The following CPA6 variants were observed in gnomAD, a reference collection of about 807,000 sequenced individuals.
CPA6 encodes carboxypeptidase A6.
In CPA6, 58 loss-of-function variants were observed where a neutral mutation model predicts 63.3. The ratio of observed to expected loss-of-function variants is 0.92; its 90% CI spans 0.74 to 1.14. CPA6 has a LOEUF of 1.14. CPA6 is among the 50% of genes most tolerant of loss of function. CPA6 has a pLI of 0.00. For synonymous variants in CPA6, 185 were observed against 179.0 expected (o/e 1.03, Z -0.27); for missense variants, 565 against 526.6 (o/e 1.07, Z -0.71).
chr8:67,698,607 G>A (rs1298096472), intron 1 of CPA6, among the ~76,000 whole-genome samples: 1 of 152,140 alleles, frequency 6.6e-6, no homozygotes, highest in Non-Finnish European at 1.5e-5. Flanking sequence ...AAGTCGATAT[G>A]TCTTCCGATT....
intron 2 of CPA6, among the ~76,000 whole-genome samples, chr8:67,606,579 C>A (rs1481215637): frequency 6.6e-6 from 1 of 152,150 alleles, no homozygotes; most frequent in African/African-American, 2.4e-5. Context: ...ACAGGATATC[C>A]ACAATAACAT....
chr8:67,571,238 GCC>G (rs1813478580), intron 2 of CPA6, among the ~76,000 whole-genome samples: 1 of 152,112 alleles, frequency 6.6e-6, no homozygotes. Flanking sequence ...GAGAGAGATT[GCC>G]ATTCAATAGC....
chr8:67,621,822 ACCCCATTTCCT>A (rs1396724547), intron 2 of CPA6, among the ~76,000 whole-genome samples: 1 of 151,918 alleles, frequency 6.6e-6, no homozygotes, highest in Non-Finnish European at 1.5e-5. Flanking sequence ...TTACATCCAA[ACCCCATTTCCT>A]CCCCCAGGTG....
chr8:67,475,879 C>CTT (rs1469634011), intron 8 of CPA6, among the ~76,000 whole-genome samples: 144 of 44,952 alleles, frequency 3.2e-3, no homozygotes, highest in Middle Eastern at 9.8e-3. Flanking sequence ...TTCTTTCTTT[C>CTT]TCCTTTCTTT....
chr8:67,631,677 T>G (rs1451535298), intron 1 of CPA6, among the ~76,000 whole-genome samples: 1 of 152,244 alleles, frequency 6.6e-6, no homozygotes, highest in Non-Finnish European at 1.5e-5. Flanking sequence ...TTCCACCCTG[T>G]GTAAACTTTG....
chr8:67,497,222 C>T lies in CPA6; in HGVS notation c.636+9565G>A, dbSNP rs528714347. Among the ~76,000 whole-genome samples, 61 of 152,286 alleles carry T rather than the reference C, an allele frequency of 4.0e-4. 1 individual carries two copies. The South Asian group carries it at 5.8e-3, about 14-fold the overall frequency. ...ATTATTGAATTCTAGGACATTTCCACCACTCCAAAAAGAACCTGGTAGTTG... is the reference window on the plus strand; with the variant it reads ...ATTATTGAATTCTAGGACATTTCCATCACTCCAAAAAGAACCTGGTAGTTG... On this transcript the variant is annotated intron_variant, in intron 6 of 10. Transcript: ENST00000297770.
Position 67,630,008 on chromosome 8 carries a change from G to C in CPA6, c.117-5757C>G, listed in dbSNP as rs546194340. 2.6e-3 allele frequency among the ~76,000 whole-genome samples: 393 copies of C among 151,924 alleles called. 1 individual carries two copies. The highest frequency in any genetic ancestry group is 2.8e-3 in the Non-Finnish European group (188 of 67,968). Reference sequence around the variant, plus strand: ...TAGCACCAGCTACTCGGGAGGCTGAGGCAGGAGAATGGCGTGAACCTGGGA... The same window carrying C: ...TAGCACCAGCTACTCGGGAGGCTGACGCAGGAGAATGGCGTGAACCTGGGA... On this transcript the variant is annotated intron_variant, in intron 1 of 10. Coordinates refer to ENST00000297770, the MANE Select transcript of CPA6 (RefSeq NM_020361.5).
At chr8:67,616,481 G>A (rs1814950550) in intron 2 of CPA6, among the ~76,000 whole-genome samples, 2 of 149,448 alleles carry the variant, frequency 1.3e-5, no homozygotes, top group Admixed American at 1.3e-4. Context: ...TCCTCCATCT[G>A]GGATTTGGTG....
Position 67,497,939 on chromosome 8 carries a change from C to T in CPA6, c.636+8848G>A, listed in dbSNP as rs866998431. Among the ~76,000 whole-genome samples the T allele has an allele frequency of 1.3e-3, 202 of 151,722 alleles. No individual in the cohort carries two copies. In the Middle Eastern group the frequency reaches 0.014, roughly 10 times the overall value. On this transcript the variant is annotated intron_variant, in intron 6 of 10. Coordinates refer to ENST00000297770, the MANE Select transcript of CPA6 (RefSeq NM_020361.5). ...ACTCCTGGCCTCAAGTGATTCATTC[C>T]GCCTCAGGTGTGAGCCATCCTCTAT...
intron 6 of CPA6, among the ~76,000 whole-genome samples, chr8:67,503,279 C>A (rs989297981): frequency 6.0e-5 from 9 of 150,828 alleles, no homozygotes; most frequent in African/African-American, 2.2e-4. Flanking sequence ...TCTCAAGTGG[C>A]CCACCTGCCT....
intron 8 of CPA6, among the ~76,000 whole-genome samples, chr8:67,457,572 T>A (rs1810703779): frequency 6.6e-6 from 1 of 152,150 alleles, no homozygotes; most frequent in African/African-American, 2.4e-5. Context: ...CCTGGTTTCA[T>A]CACCTCTCAC....
At chr8:67,448,563 T>C (rs1286191421) in intron 8 of CPA6, among the ~76,000 whole-genome samples, 1 of 141,290 alleles carries the variant, frequency 7.1e-6, no homozygotes, top group Non-Finnish European at 1.5e-5. Flanking sequence ...CCCCAGAAAG[T>C]CGAGGTTGCT....
intron 2 of CPA6, among the ~76,000 whole-genome samples, chr8:67,611,527 C>G (rs10094690): frequency 0.024 from 3,595 of 152,228 alleles, 52 homozygotes; most frequent in Non-Finnish European, 0.036. Flanking sequence ...AGGTGTTATT[C>G]CAGGTACCAA....
At chr8:67,728,879 A>G (rs909790491) in intron 1 of CPA6, among the ~76,000 whole-genome samples, 9 of 152,208 alleles carry the variant, frequency 5.9e-5, no homozygotes, top group Non-Finnish European at 1.0e-4. Flanking sequence ...TTTTGCATGG[A>G]TTCTCTAACC....
chr8:67,436,076 AC>A (rs1049281698), intron 8 of CPA6, among the ~76,000 whole-genome samples: 3 of 150,870 alleles, frequency 2.0e-5, no homozygotes, highest in Admixed American at 6.6e-5. Context: ...CCTGCACCCC[AC>A]CCCCACCAAC....
At chr8:67,563,682 T>C (rs1813268654) in intron 2 of CPA6, among the ~76,000 whole-genome samples, 1 of 152,146 alleles carries the variant, frequency 6.6e-6, no homozygotes, top group Non-Finnish European at 1.5e-5. Context: ...GATCTGAGAT[T>C]GTATAGCCTT....
chr8:67,468,581 AAAAATAAAATAAAAT>A (rs55739926), intron 8 of CPA6, among the ~76,000 whole-genome samples: 5,369 of 138,704 alleles, frequency 0.039, 343 homozygotes, highest in African/African-American at 0.14. Context: ...ACTCTGTCTC[AAAAATAAAATAAAAT>A]AAAATAAAAT....
chr8:67,466,912 C>T (rs778911911), intron 8 of CPA6, among the ~76,000 whole-genome samples: 1 of 152,100 alleles, frequency 6.6e-6, no homozygotes, highest in Non-Finnish European at 1.5e-5. Context: ...AATATAGATT[C>T]ATCATTACGT....
chr8:67,467,203 AG>A (rs777615644), intron 8 of CPA6, among the ~76,000 whole-genome samples: 3 of 152,182 alleles, frequency 2.0e-5, no homozygotes, highest in Non-Finnish European at 2.9e-5. Context: ...AACAGGCTCA[AG>A]GTTCTGCCTC....
Sources: gnomAD v4.1 joint callset for allele counts (sites outside exome capture counted in the v4.1 genomes callset) on GRCh38, gnomAD v4.1.1 for gene constraint, MANE v1.5 for transcripts, NCBI Gene and HGNC (gene_info 2026-07-23, HGNC 2026-07-21) for gene names.